Variants in FHIT observed in about 807,000 individuals in gnomAD.
The protein encoded by FHIT is fragile histidine triad diadenosine triphosphatase.
Under a neutral mutation model 17.9 loss-of-function variants are expected in FHIT, and 19 were observed. The ratio of observed to expected loss-of-function variants is 1.06; its 90% CI spans 0.74 to 1.56. The LOEUF (loss-of-function observed/expected upper bound fraction) is 1.56, where lower values mean the gene tolerates loss of function less well. Among genes scored for constraint, FHIT ranks in the 40% most tolerant of loss-of-function variants. The pLI is 0.00. For missense variants in FHIT, 248 were observed against 189.2 expected, an observed-to-expected ratio of 1.31 and a Z score of -1.82; for synonymous variants, 81 against 69.7, an observed-to-expected ratio of 1.16 and a Z score of -0.81.
chr3:60,540,940 G>C (rs559990558), intron 4 of FHIT, among the ~76,000 whole-genome samples: 2 of 152,112 alleles, frequency 1.3e-5, no homozygotes, highest in East Asian at 3.9e-4. Context: ...CATCACTTGG[G>C]AACTTATTAG....
At chr3:60,005,005 A>C (rs1013418746) in intron 7 of FHIT, among the ~76,000 whole-genome samples, 3 of 152,152 alleles carry the variant, frequency 2.0e-5, no homozygotes, top group Non-Finnish European at 2.9e-5. Context: ...GGGAGCTCAG[A>C]AAGGTTAACT....
In FHIT at chr3:60,011,496, C is replaced by A. The variant is rs538547719; in HGVS notation, c.250-96G>T. 8.1e-5 allele frequency: 85 copies of A among 1,047,846 alleles called. No homozygotes were observed. In the African/African-American group the frequency reaches 1.2e-3, roughly 15 times the overall value. The allele number at this position is 1,047,846 out of a possible 1,614,324, so 64.9% of individuals were successfully genotyped here. A position where few individuals can be genotyped will look rare whatever the true frequency, so the allele number is the denominator to read the frequency against. The stretch of plus-strand genomic sequence containing the variant: ...CCCATTAATAATTTAGATGCAATTT[C>A]ATTGTGTGTTAATTTATAGTATTCT... On this transcript the variant is annotated intron_variant, in intron 6 of 9. Transcript: ENST00000492590.
intron 3 of FHIT, among the ~76,000 whole-genome samples, chr3:60,951,781 G>A (rs1708895278): frequency 1.3e-5 from 2 of 152,190 alleles, no homozygotes; most frequent in Admixed American, 1.3e-4. Flanking sequence ...ATCAGAGACA[G>A]ACCTTGTTCT....
chr3:59,990,008 G>A (rs1327918984), intron 7 of FHIT, among the ~76,000 whole-genome samples: 1 of 152,048 alleles, frequency 6.6e-6, no homozygotes, highest in Non-Finnish European at 1.5e-5. Flanking sequence ...TTATGCTGCT[G>A]TTGTTTTTAA....
At chr3:60,148,813 G>C (rs536535217) in intron 5 of FHIT, among the ~76,000 whole-genome samples, 1 of 152,100 alleles carries the variant, frequency 6.6e-6, no homozygotes, top group Non-Finnish European at 1.5e-5. Flanking sequence ...TTCATTCTTA[G>C]GCATTAACTG....
intron 5 of FHIT, among the ~76,000 whole-genome samples, chr3:60,320,436 GA>G (rs930584118): frequency 4.0e-5 from 6 of 151,574 alleles, no homozygotes; most frequent in South Asian, 4.1e-4. Context: ...AACTGGAGAG[GA>G]AAAAAAATAG....
At chr3:60,809,120 C>A (rs1482438179) in intron 4 of FHIT, among the ~76,000 whole-genome samples, 2 of 152,120 alleles carry the variant, frequency 1.3e-5, no homozygotes, top group African/African-American at 2.4e-5. Context: ...CATAAAATGT[C>A]TCTAAGAGTA....
chr3:60,924,125 T>A (rs1707446707), intron 3 of FHIT, among the ~76,000 whole-genome samples: 1 of 152,120 alleles, frequency 6.6e-6, no homozygotes, highest in Non-Finnish European at 1.5e-5. Context: ...AGACTCCACC[T>A]CTGGGGGCAG....
intron 5 of FHIT, among the ~76,000 whole-genome samples, chr3:60,373,948 A>G (rs2107073466): frequency 6.6e-6 from 1 of 152,340 alleles, no homozygotes; most frequent in South Asian, 2.1e-4. Flanking sequence ...CAATTAAAAC[A>G]AGCTACACAG....
chr3:60,534,574 G>C (rs1179283051), intron 5 of FHIT, among the ~76,000 whole-genome samples: 6 of 152,000 alleles, frequency 3.9e-5, no homozygotes, highest in African/African-American at 9.7e-5. Context: ...TACTGGCCCT[G>C]AGACTGTTTT....
At chr3:60,340,471 C>G (rs1710461680) in intron 5 of FHIT, among the ~76,000 whole-genome samples, 1 of 152,130 alleles carries the variant, frequency 6.6e-6, no homozygotes, top group Non-Finnish European at 1.5e-5. Flanking sequence ...CCTTCAGATG[C>G]AAAAGACTTG....
chr3:60,831,872 A>C (rs1205885164), intron 3 of FHIT, among the ~76,000 whole-genome samples: 1 of 152,096 alleles, frequency 6.6e-6, no homozygotes, highest in Admixed American at 6.5e-5. Flanking sequence ...ATGATCTAAA[A>C]GGCTTCTTTC....
At chr3:60,273,061 T>C (rs958257248) in intron 5 of FHIT, among the ~76,000 whole-genome samples, 7 of 152,174 alleles carry the variant, frequency 4.6e-5, no homozygotes, top group African/African-American at 1.7e-4. Context: ...TCAGACCTGG[T>C]TTCTTACAAC....
chr3:59,848,112 T>G (rs1326225927), intron 8 of FHIT, among the ~76,000 whole-genome samples: 2 of 152,174 alleles, frequency 1.3e-5, no homozygotes, highest in African/African-American at 4.8e-5. Context: ...AGAGTCCTTT[T>G]TGCCCACCGT....
At chr3:59,898,442 T>TTGTGTGTGTGTGTGTGTG (rs3075168) in intron 8 of FHIT, among the ~76,000 whole-genome samples, 3 of 145,854 alleles carry the variant, frequency 2.1e-5, no homozygotes, top group Non-Finnish European at 3.1e-5. Flanking sequence ...GTGTGTATGT[T>TTGTGTGTGTGTGTGTGTG]TGTGTGTGTG....
intron 4 of FHIT, among the ~76,000 whole-genome samples, chr3:60,721,216 A>G (rs1441371264): frequency 6.6e-6 from 1 of 152,040 alleles, no homozygotes; most frequent in Non-Finnish European, 1.5e-5. Flanking sequence ...CTTCTTCACT[A>G]CTCAAGTATT....
chr3:60,334,450 T>TC (rs1295920214), intron 5 of FHIT, among the ~76,000 whole-genome samples: 1 of 152,202 alleles, frequency 6.6e-6, no homozygotes, highest in Non-Finnish European at 1.5e-5. Flanking sequence ...GTCAGTAAGT[T>TC]CCACCTGAAT....
intron 4 of FHIT, among the ~76,000 whole-genome samples, chr3:60,684,327 AT>A (rs772561525): frequency 1.3e-5 from 2 of 151,646 alleles, no homozygotes; most frequent in Admixed American, 6.6e-5. Context: ...TGCAAGGACC[AT>A]TTTTTTTGCA....
In FHIT at chr3:60,549,587, G is replaced by C. The variant is rs558659481; in HGVS notation, c.-17-12608C>G. ...ATAGTTGATATCCAACGGTTGTATA[G>C]AAAAAAGTCCCATTTCCCCAAAACT... On this transcript the variant is annotated intron_variant, in intron 4 of 9. Coordinates refer to ENST00000492590, the MANE Select transcript of FHIT (RefSeq NM_002012.4). Among the ~76,000 whole-genome samples the C allele has an allele frequency of 1.1e-3, 165 of 152,222 alleles. 3 individuals are homozygous for C. The highest frequency in any genetic ancestry group is 3.5e-3 in the African/African-American group (145 of 41,534).
Sources: gnomAD v4.1 joint callset for allele counts (sites outside exome capture counted in the v4.1 genomes callset) on GRCh38, gnomAD v4.1.1 for gene constraint, MANE v1.5 for transcripts, NCBI Gene and HGNC (gene_info 2026-07-23, HGNC 2026-07-21) for gene names.